Variants in PLCH1 observed in about 807,000 individuals in gnomAD.
The protein encoded by PLCH1 is phospholipase C eta 1, also known as 1-phosphatidylinositol 4,5-bisphosphate phosphodiesterase eta-1.
In PLCH1, 60 loss-of-function variants were observed where a neutral mutation model predicts 126.7. That is an observed-to-expected ratio of 0.47 (90% CI 0.38 to 0.59). The LOEUF is 0.59. Among genes scored for constraint, PLCH1 ranks in the 20% least tolerant of loss-of-function variants. PLCH1 has a pLI of 0.00. For synonymous variants in PLCH1, 719 were observed against 734.9 expected, an observed-to-expected ratio of 0.98 and a Z score of 0.35; for missense variants, 1,723 against 2,040.0, an observed-to-expected ratio of 0.84 and a Z score of 2.99.
chr3:155,670,867 T>C (rs771420219), intron 2 of PLCH1, among the ~76,000 whole-genome samples: 20 of 152,142 alleles, frequency 1.3e-4, no homozygotes, highest in Non-Finnish European at 2.4e-4. Flanking sequence ...CTGTGTAACC[T>C]ACCATACTGT....
chr3:155,493,454 C>A (rs1305077146), intron 17 of PLCH1, among the ~76,000 whole-genome samples: 1 of 152,140 alleles, frequency 6.6e-6, no homozygotes, highest in African/African-American at 2.4e-5. Context: ...GTGGTGTGAT[C>A]TTGGCTCACT....
At chr3:155,544,097 G>A (rs1478008789) in intron 10 of PLCH1, among the ~76,000 whole-genome samples, 1 of 151,592 alleles carries the variant, frequency 6.6e-6, no homozygotes, top group Non-Finnish European at 1.5e-5. Context: ...CTGGCAAATT[G>A]GATAAACAGT....
rs371474686 is a variant in PLCH1, at chr3:155,504,590, C to T, written c.1669G>A (p.Gly557Arg). Residue 557 changes from glycine (G) to arginine (R), a missense_variant, in exon 13 of 23, where the codon GGA becomes AGA. Coordinates refer to ENST00000460012, the MANE Select transcript of PLCH1 (RefSeq NM_014996.4). The part of the protein sequence containing the change: ...DVKESGKKSH[G>R]RSLMTNFGKH... ...CCAAAGTTGGTCATGAGGGATCGTC[C>T]ATGTGATTTCTTTCCACTTTCCTTT... is the stretch of plus-strand genomic sequence containing the variant. 6.8e-6 allele frequency: 11 copies of T among 1,607,868 alleles called. No individual in the cohort carries two copies. Among genetic ancestry groups the T allele is most frequent in the African/African-American group, 1.3e-5 (1 of 74,804 alleles).
At chr3:155,568,381 A>T in intron 6 of PLCH1, 57 bp from the exon 7 acceptor site, 1 of 735,928 alleles carries the variant, frequency 1.4e-6, no homozygotes. Flanking sequence ...ATGTTCCTCC[A>T]CAGTAGAAAG....
At chr3:155,680,022 C>A (rs998004197) in intron 2 of PLCH1, among the ~76,000 whole-genome samples, 1 of 152,082 alleles carries the variant, frequency 6.6e-6, no homozygotes, top group African/African-American at 2.4e-5. Context: ...AATATTCCCA[C>A]ACAATGCCAG....
At chr3:155,526,372 T>G (rs1286553364) in intron 10 of PLCH1, among the ~76,000 whole-genome samples, 1 of 149,628 alleles carries the variant, frequency 6.7e-6, no homozygotes, top group Non-Finnish European at 1.5e-5. Context: ...TTCCTGGAGC[T>G]CTCTCTCTCT....
At chr3:155,631,255 C>A (rs1464259958) in intron 2 of PLCH1, among the ~76,000 whole-genome samples, 1 of 152,082 alleles carries the variant, frequency 6.6e-6, no homozygotes, top group East Asian at 1.9e-4. Context: ...TATGAGATGG[C>A]ACTCTTGCAT....
chr3:155,454,827 A>G (rs1187774801), intron 21 of PLCH1, among the ~76,000 whole-genome samples: 1 of 152,208 alleles, frequency 6.6e-6, no homozygotes, highest in Non-Finnish European at 1.5e-5. Flanking sequence ...TATACCTACA[A>G]GGTAACTCGA....
Position 155,596,331 on chromosome 3 carries a change from G to C in PLCH1, c.127C>G (p.Leu43Val). ...VMQSGTQMIK[L>V]KRGTKGLVRL... ...ACAAGCCCTTTGGTTCCACGTTTCA[G>C]CTTGATCATCTGTGTCCCGGACTGC... Residue 43 changes from leucine to valine, a missense_variant, in exon 3 of 23, where the codon CTG becomes GTG. Leu to Val is a conservative substitution (Grantham distance 32). Transcript: ENST00000460012. The C allele has an allele frequency of 6.2e-7, 1 of 1,613,538 alleles. No individual in the cohort carries two copies. Among genetic ancestry groups the C allele is most frequent in the Non-Finnish European group, 8.5e-7 (1 of 1,179,590 alleles).
At chr3:155,724,813 TTGTGTGTGTG>T (rs60805589) in intron 1 of PLCH1, among the ~76,000 whole-genome samples, 60 of 140,156 alleles carry the variant, frequency 4.3e-4, no homozygotes, top group Admixed American at 1.1e-3. Context: ...TTGGGGGGTT[TTGTGTGTGTG>T]TGTGTGTGTG....
At chr3:155,561,401 G>C (rs1428741277) in intron 8 of PLCH1, among the ~76,000 whole-genome samples, 2 of 150,910 alleles carry the variant, frequency 1.3e-5, no homozygotes, top group African/African-American at 4.9e-5. Context: ...TTTTGTTCTT[G>C]CGATAGTTTC....
At chr3:155,705,564 A>G (rs1373706586) in intron 1 of PLCH1, among the ~76,000 whole-genome samples, 4 of 152,212 alleles carry the variant, frequency 2.6e-5, no homozygotes, top group Admixed American at 1.3e-4. Flanking sequence ...TATACTACAA[A>G]GTTCTCTTCT....
intron 2 of PLCH1, among the ~76,000 whole-genome samples, chr3:155,670,541 A>G (rs779034238): frequency 2.3e-4 from 35 of 152,140 alleles, no homozygotes; most frequent in African/African-American, 8.2e-4. Context: ...TAGCTCACTC[A>G]TGGTAGCTTC....
At chr3:155,649,493 TCAGAG>T (rs1740456292) in intron 2 of PLCH1, among the ~76,000 whole-genome samples, 1 of 152,070 alleles carries the variant, frequency 6.6e-6, no homozygotes, top group African/African-American at 2.4e-5. Flanking sequence ...ATGCTACACC[TCAGAG>T]CAGCCCTGCC....
At chr3:155,500,217 A>T (rs2108134783) in intron 14 of PLCH1, among the ~76,000 whole-genome samples, 1 of 152,340 alleles carries the variant, frequency 6.6e-6, no homozygotes, top group African/African-American at 2.4e-5. Context: ...ATACTTATTT[A>T]ATCAGGCCAG....
At chr3:155,478,070 A>G (rs144062878), downstream of PLCH1, among the ~76,000 whole-genome samples, 156 of 152,308 alleles carry the variant, frequency 1.0e-3, no homozygotes, top group African/African-American at 3.4e-3. Context: ...TCAGCCATAA[A>G]AAGAATGAGA....
chr3:155,568,294 C>G lies in PLCH1; in HGVS notation c.802G>C (p.Asp268His). ...GAAACTTCAAACTTCTTTATGATGT[C>G]AAGACAATAGTCCGTTGTCACATTA... ...MNNVTTDYCLDIIKKFEVSEE... is the reference protein window; with the variant it reads ...MNNVTTDYCLHIIKKFEVSEE... Residue 268 changes from aspartate to histidine, a missense_variant, in exon 7 of 23, where the codon GAC becomes CAC. Physicochemically the swap from Asp to His is moderately conservative, Grantham distance 81. Coordinates refer to ENST00000460012, the MANE Select transcript of PLCH1 (RefSeq NM_014996.4). 1 of 1,544,918 alleles carries G rather than the reference C, an allele frequency of 6.5e-7. No individual in the cohort carries two copies. Among genetic ancestry groups the G allele is most frequent in the South Asian group, 1.1e-5 (1 of 88,614 alleles).
chr3:155,584,558 G>T (rs941589972), intron 5 of PLCH1, among the ~76,000 whole-genome samples: 1 of 152,154 alleles, frequency 6.6e-6, no homozygotes, highest in African/African-American at 2.4e-5. Context: ...AACTATTGGG[G>T]ATAAATAATA....
At chr3:155,692,618 C>T (rs1345935145) in intron 2 of PLCH1, among the ~76,000 whole-genome samples, 2 of 152,008 alleles carry the variant, frequency 1.3e-5, no homozygotes, top group African/African-American at 4.8e-5. Flanking sequence ...CATCTTGTTC[C>T]GTACTGTTGC....
Sources: allele counts gnomAD v4.1 joint callset (sites outside exome capture counted in the v4.1 genomes callset), GRCh38; gene constraint gnomAD v4.1.1; transcripts MANE v1.5; gene names NCBI Gene and HGNC (gene_info 2026-07-23, HGNC 2026-07-21).